PAH: variants seen among roughly 807,000 people sequenced by gnomAD.
PAH encodes the protein phenylalanine hydroxylase.
Under a neutral mutation model 62.0 loss-of-function variants are expected in PAH, and 64 were observed. The observed-to-expected ratio is 1.03, with a 90% confidence interval of 0.84 to 1.27. The LOEUF (loss-of-function observed/expected upper bound fraction) is 1.27. Ranked by LOEUF, PAH falls within the 50% of genes most tolerant of loss-of-function variation. The probability of loss-of-function intolerance (pLI) is 0.00; values close to 1 mark genes in which losing one functional copy is unlikely to be tolerated. For synonymous variants in PAH, 195 were observed against 196.2 expected (o/e 0.99, Z 0.05); for missense variants, 579 against 542.8 (o/e 1.07, Z -0.66).
In PAH at chr12:102,855,166, G is replaced by T. The variant is rs62508696; in HGVS notation, c.676C>A (p.Gln226Lys). The stretch of plus-strand genomic sequence containing the variant: ...AGGAACTGAGAAACGTCTTCCAGCT[G>T]GGGAATGTTATCTTCATGGAAGCCA... ...YCGFHEDNIP[Q>K]LEDVSQFLQT... Residue 226 changes from glutamine (Q) to lysine (K), a missense_variant, in exon 6 of 13, where the codon CAG becomes AAG. By Grantham distance (53) the Gln-to-Lys change is moderately conservative (BLOSUM62 1). Coordinates refer to ENST00000553106, the MANE Select transcript of PAH (RefSeq NM_000277.3). 6.2e-7 allele frequency: 1 copy of T among 1,614,068 alleles called. No individual in the cohort carries two copies. Among genetic ancestry groups the T allele is most frequent in the Non-Finnish European group, 8.5e-7 (1 of 1,179,924 alleles).
chr12:102,956,629 G>A (rs1370333900), intron 1 of PAH, among the ~76,000 whole-genome samples: 1 of 152,126 alleles, frequency 6.6e-6, no homozygotes, highest in East Asian at 1.9e-4. Context: ...CCCCCGCCCC[G>A]CATCTTTCTT....
intron 2 of PAH, among the ~76,000 whole-genome samples, chr12:102,903,166 G>A (rs1477004230): frequency 6.6e-6 from 1 of 152,166 alleles, no homozygotes; most frequent in Non-Finnish European, 1.5e-5. Flanking sequence ...TTCGAGAACA[G>A]CCTGGCCAAC....
intron 4 of PAH, among the ~76,000 whole-genome samples, chr12:102,875,084 G>C (rs934505446): frequency 6.6e-6 from 1 of 152,236 alleles, no homozygotes; most frequent in East Asian, 1.9e-4. Context: ...TGGAGGGTTT[G>C]TTTTGTCCTT....
chr12:102,927,287 T>G (rs968289184), intron 1 of PAH, among the ~76,000 whole-genome samples: 1 of 151,232 alleles, frequency 6.6e-6, no homozygotes, highest in Non-Finnish European at 1.5e-5. Flanking sequence ...AAAGTTTTTT[T>G]TTTTTTTTTT....
intron 4 of PAH, among the ~76,000 whole-genome samples, chr12:102,870,202 T>C (rs980624464): frequency 1.3e-5 from 2 of 152,218 alleles, no homozygotes; most frequent in African/African-American, 4.8e-5. Flanking sequence ...TTGAGTATTC[T>C]TGTAGACTGA....
At chr12:102,876,450 G>A (rs1184035431) in intron 4 of PAH, among the ~76,000 whole-genome samples, 6 of 152,228 alleles carry the variant, frequency 3.9e-5, no homozygotes, top group African/African-American at 1.4e-4. Context: ...TAAGATGGAA[G>A]CATCTGCTTT....
At chr12:102,942,501 A>G (rs1353488214) in intron 1 of PAH, among the ~76,000 whole-genome samples, 1 of 152,178 alleles carries the variant, frequency 6.6e-6, no homozygotes, top group Non-Finnish European at 1.5e-5. Flanking sequence ...TACCCACAAC[A>G]GATTCATTGC....
At chr12:102,934,423 C>G (rs550472639) in intron 1 of PAH, among the ~76,000 whole-genome samples, 55 of 39,396 alleles carry the variant, frequency 1.4e-3, no homozygotes, top group Non-Finnish European at 2.1e-3. Context: ...TTCATGGTAC[C>G]TTAAATTTTA....
In PAH at chr12:102,855,225, T is replaced by C. The variant is rs62508728; in HGVS notation, c.617A>G (p.Tyr206Cys). 6.2e-7 allele frequency: 1 copy of C among 1,614,102 alleles called. No homozygotes were observed. The highest frequency in any genetic ancestry group is 1.1e-5 in the South Asian group (1 of 91,082). The change falls in exon 6 of 13, where the codon TAC (tyrosine) becomes TGC (cysteine). Residue 206 changes from tyrosine (Y) to cysteine (C), a missense_variant. Coordinates refer to ENST00000553106, the MANE Select transcript of PAH (RefSeq NM_000277.3). The stretch of plus-strand genomic sequence containing the variant: ...TTCAAGAAGTGGAAAAATGTGATTG[T>C]ACTCATAGCAAGCATGGGTTTTATA... The part of the protein sequence containing the change: ...SLYKTHACYE[Y>C]NHIFPLLEKY...
Position 102,894,837 on chromosome 12 carries a change from C to T in PAH, c.250G>A (p.Asp84Asn). 1 of 1,613,816 alleles carries T rather than the reference C, an allele frequency of 6.2e-7. No individual in the cohort carries two copies. The highest frequency in any genetic ancestry group is 1.3e-5 in the African/African-American group (1 of 74,972). Residue 84 changes from aspartate to asparagine, a missense_variant, in exon 3 of 13, where the codon GAT (aspartate) becomes AAT (asparagine). Coordinates refer to ENST00000553106, the MANE Select transcript of PAH (RefSeq NM_000277.3). ...GTCAGAGCAGGCAGGCTACGTTTATCCAAATGGGTGAAAAATTCATACTCA... is the reference window on the plus strand; with the variant it reads ...GTCAGAGCAGGCAGGCTACGTTTATTCAAATGGGTGAAAAATTCATACTCA... ...KDEYEFFTHLDKRSLPALTNI... is the reference protein window; with the variant it reads ...KDEYEFFTHLNKRSLPALTNI...
In PAH at chr12:102,851,735, C is replaced by G. The variant is rs62507327; in HGVS notation, c.864G>C (p.Leu288Phe). The change falls in exon 8 of 13, where the codon TTG (leucine) becomes TTC (phenylalanine). Residue 288 changes from leucine (L) to phenylalanine (F), a missense_variant. Leu to Phe is a conservative substitution (Grantham distance 22). Coordinates refer to ENST00000553106, the MANE Select transcript of PAH (RefSeq NM_000277.3). ...GATCTGAAAACAAGGGCACATGTCCCAACAGCTCATGGCAGATGTCACTGA... is the reference window on the plus strand; with the variant it reads ...GATCTGAAAACAAGGGCACATGTCCGAACAGCTCATGGCAGATGTCACTGA... ...TPEPDICHEL[L>F]GHVPLFSDRS... 6.2e-7 allele frequency: 1 copy of G among 1,614,036 alleles called. No homozygotes were observed. The highest frequency in any genetic ancestry group is 1.3e-5 in the African/African-American group (1 of 75,012).
intron 1 of PAH, among the ~76,000 whole-genome samples, chr12:102,941,205 C>A (rs1273648555): frequency 6.6e-6 from 1 of 152,074 alleles, no homozygotes; most frequent in African/African-American, 2.4e-5. Flanking sequence ...CCATTACTGG[C>A]CACAACAATA....
intron 9 of PAH, among the ~76,000 whole-genome samples, chr12:102,846,168 C>T (rs1451103702): frequency 6.6e-6 from 1 of 152,198 alleles, no homozygotes; most frequent in Non-Finnish European, 1.5e-5. Flanking sequence ...TGTCCAGCAC[C>T]TGAAAGCAGC....
intron 1 of PAH, chr12:102,923,699 G>C (rs1000066927): frequency 6.6e-6 from 1 of 152,176 alleles, no homozygotes; most frequent in Non-Finnish European, 1.5e-5. Flanking sequence ...TCTGTGAACT[G>C]TCTACACCTA....
chr12:102,909,460 T>C (rs544497823), intron 2 of PAH, among the ~76,000 whole-genome samples: 1 of 152,160 alleles, frequency 6.6e-6, no homozygotes, highest in Non-Finnish European at 1.5e-5. Context: ...TAATGTTGAT[T>C]TTGGTCACAT....
At chr12:102,878,730 A>G (rs760618601) in intron 3 of PAH, among the ~76,000 whole-genome samples, 3 of 151,934 alleles carry the variant, frequency 2.0e-5, no homozygotes, top group Non-Finnish European at 2.9e-5. Context: ...AAAGAAGGGA[A>G]GTAATGGATT....
chr12:102,948,747 T>C (rs1257754659), intron 1 of PAH, among the ~76,000 whole-genome samples: 1 of 152,224 alleles, frequency 6.6e-6, no homozygotes, highest in Non-Finnish European at 1.5e-5. Flanking sequence ...GAAATAGTTC[T>C]TTATCTTTAG....
At chr12:102,895,286 T>G (rs1877452671) in intron 2 of PAH, among the ~76,000 whole-genome samples, 1 of 152,176 alleles carries the variant, frequency 6.6e-6, no homozygotes, top group Non-Finnish European at 1.5e-5. Flanking sequence ...TTCTATGGAA[T>G]TACAATAAAT....
chr12:102,893,855 A>G (rs963330844), intron 3 of PAH, among the ~76,000 whole-genome samples: 1 of 152,228 alleles, frequency 6.6e-6, no homozygotes, highest in Admixed American at 6.5e-5. Flanking sequence ...TCACTCAGAA[A>G]TATGTGCAGA....
Sources: gnomAD v4.1 joint callset for allele counts (sites outside exome capture counted in the v4.1 genomes callset) on GRCh38, gnomAD v4.1.1 for gene constraint, MANE v1.5 for transcripts, NCBI Gene and HGNC (gene_info 2026-07-23, HGNC 2026-07-21) for gene names.